MACROD2: variants seen among roughly 807,000 people sequenced by gnomAD.
The protein encoded by MACROD2 is mono-ADP ribosylhydrolase 2.
In MACROD2, 36 loss-of-function variants were observed where a neutral mutation model predicts 70.4. The observed-to-expected ratio is 0.51, with a 90% CI of 0.39 to 0.68. The LOEUF is 0.68. Ranked by LOEUF, MACROD2 falls within the 30% of genes least tolerant of loss-of-function variation. MACROD2 has a pLI of 0.00. For synonymous variants in MACROD2, 172 were observed against 178.8 expected (o/e 0.96, Z 0.30); for missense variants, 496 against 538.4 (o/e 0.92, Z 0.78).
intron 8 of MACROD2, among the ~76,000 whole-genome samples, chr20:15,707,401 C>A (rs1045291866): frequency 6.6e-6 from 1 of 152,180 alleles, no homozygotes; most frequent in Non-Finnish European, 1.5e-5. Flanking sequence ...ATACCAGGCA[C>A]TTGCTGGGCA....
chr20:15,632,516 C>A (rs200767), intron 8 of MACROD2, among the ~76,000 whole-genome samples: 65,017 of 151,992 alleles, frequency 0.43, 15,573 homozygotes, highest in African/African-American at 0.67. Flanking sequence ...CAAAGTAGTG[C>A]AAAGTACAGA....
chr20:15,434,869 A>G (rs2046408614), intron 7 of MACROD2, among the ~76,000 whole-genome samples: 1 of 152,168 alleles, frequency 6.6e-6, no homozygotes, highest in Admixed American at 6.6e-5. Flanking sequence ...TGTCTTTTGC[A>G]GCAATGTGGA....
chr20:16,004,355 G>A (rs1161672918), intron 15 of MACROD2, among the ~76,000 whole-genome samples: 1 of 152,200 alleles, frequency 6.6e-6, no homozygotes, highest in African/African-American at 2.4e-5. Flanking sequence ...CAAGGACTGT[G>A]TTTGTTTATT....
intron 6 of MACROD2, among the ~76,000 whole-genome samples, chr20:15,304,291 G>A (rs1310518165): frequency 3.9e-5 from 6 of 152,122 alleles, no homozygotes; most frequent in African/African-American, 1.4e-4. Context: ...TAGCAATGGT[G>A]GCCATGGGAC....
Position 15,043,084 on chromosome 20 carries a change from A to G in MACROD2, c.419-186856A>G, listed in dbSNP as rs144239321. Among the ~76,000 whole-genome samples the G allele has an allele frequency of 9.7e-4, 147 of 152,150 alleles. 2 individuals are homozygous for G. The East Asian group carries it at 0.025, about 26-fold the overall frequency. Reference sequence around the variant, plus strand: ...TTTGCTGTGTCCTTCATTCCTATCTATGTGGCCTCTCAGGTCTAGCAAACC... The same window carrying G: ...TTTGCTGTGTCCTTCATTCCTATCTGTGTGGCCTCTCAGGTCTAGCAAACC... On this transcript the variant is annotated intron_variant, in intron 5 of 17. Transcript: ENST00000684519.
Position 14,442,222 on chromosome 20 carries a change from A to T in MACROD2, c.272-51257A>T, listed in dbSNP as rs976178285. 1.7e-4 allele frequency among the ~76,000 whole-genome samples: 26 copies of T among 152,138 alleles called. 1 individual carries two copies. Among genetic ancestry groups the T allele is most frequent in the African/African-American group, 6.3e-4 (26 of 41,390 alleles). On this transcript the variant is annotated intron_variant, in intron 3 of 17. Coordinates refer to ENST00000684519, the MANE Select transcript of MACROD2 (RefSeq NM_001351661.2). ...GAGGTGGAGGTTGCAGTAAGCTGAG[A>T]TCCCACCACTGCACTCTAGCCTGGG...
intron 3 of MACROD2, among the ~76,000 whole-genome samples, chr20:14,131,927 C>T (rs916858152): frequency 5.9e-5 from 9 of 151,804 alleles, no homozygotes; most frequent in Non-Finnish European, 1.2e-4. Flanking sequence ...GTCAGGAGAT[C>T]GAGACCATCC....
At chr20:15,151,364 G>A (rs911742676) in intron 5 of MACROD2, among the ~76,000 whole-genome samples, 5 of 152,056 alleles carry the variant, frequency 3.3e-5, no homozygotes, top group African/African-American at 1.2e-4. Flanking sequence ...AAGTTCTTGT[G>A]TGCTGGAGAT....
intron 3 of MACROD2, among the ~76,000 whole-genome samples, chr20:14,142,304 A>T (rs2148706259): frequency 6.6e-6 from 1 of 152,226 alleles, no homozygotes; most frequent in East Asian, 1.9e-4. Flanking sequence ...CTGTGATTCC[A>T]CCAGTCTGAA....
In MACROD2 at chr20:14,328,755, A is replaced by G. The variant is rs80209771; in HGVS notation, c.272-164724A>G. 7.3e-3 allele frequency among the ~76,000 whole-genome samples: 1,117 copies of G among 152,184 alleles called. 15 individuals carry two copies. The highest frequency in any genetic ancestry group is 0.026 in the African/African-American group (1,066 of 41,542). On this transcript the variant is annotated intron_variant, in intron 3 of 17. Transcript: ENST00000684519. ...CTCCAGATCAGGCTTGCTGTTGTCAATGAACATTCCAGCTGCAGTTCAGCA... is the reference window on the plus strand; with the variant it reads ...CTCCAGATCAGGCTTGCTGTTGTCAGTGAACATTCCAGCTGCAGTTCAGCA...
chr20:15,015,742 C>A (rs1193389908), intron 5 of MACROD2, among the ~76,000 whole-genome samples: 6 of 152,220 alleles, frequency 3.9e-5, no homozygotes, highest in South Asian at 2.1e-4. Context: ...CAGCCCCTCA[C>A]TGAACCAGTT....
At chr20:14,178,411 C>G (rs1206538979) in intron 3 of MACROD2, among the ~76,000 whole-genome samples, 2 of 152,068 alleles carry the variant, frequency 1.3e-5, no homozygotes, top group African/African-American at 4.8e-5. Context: ...CTAGAATATT[C>G]TGTTATGAAA....
At chr20:15,610,516 C>A in intron 8 of MACROD2, among the ~76,000 whole-genome samples, 1 of 152,176 alleles carries the variant, frequency 6.6e-6, no homozygotes, top group East Asian at 1.9e-4. Context: ...TTTTCTTTCT[C>A]TTACAGGGGC....
chr20:15,311,832 T>C (rs2077756038), intron 6 of MACROD2, among the ~76,000 whole-genome samples: 1 of 152,182 alleles, frequency 6.6e-6, no homozygotes, highest in Admixed American at 6.5e-5. Context: ...TGTTGGGTAC[T>C]GTGCTCAGTA....
intron 6 of MACROD2, among the ~76,000 whole-genome samples, chr20:15,399,690 G>A (rs774891612): frequency 3.9e-5 from 6 of 152,212 alleles, no homozygotes; most frequent in Non-Finnish European, 8.8e-5. Context: ...AGTAGTCTGA[G>A]TGGTTGTTTT....
At chr20:14,244,630 A>G (rs1192529604) in intron 3 of MACROD2, among the ~76,000 whole-genome samples, 1 of 152,146 alleles carries the variant, frequency 6.6e-6, no homozygotes, top group Non-Finnish European at 1.5e-5. Flanking sequence ...TTTTAAAACA[A>G]CTTCTTGGTA....
chr20:14,642,927 C>T (rs1344708453), intron 4 of MACROD2, among the ~76,000 whole-genome samples: 1 of 151,700 alleles, frequency 6.6e-6, no homozygotes, highest in African/African-American at 2.4e-5. Flanking sequence ...ATGGTTGCCA[C>T]AAACCTTCAG....
At chr20:14,736,489 A>G (rs865988443) in intron 5 of MACROD2, among the ~76,000 whole-genome samples, 2 of 152,208 alleles carry the variant, frequency 1.3e-5, no homozygotes, top group Admixed American at 1.3e-4. Flanking sequence ...TAAAAAACCT[A>G]AAGTAAACAA....
intron 3 of MACROD2, chr20:14,337,534 C>T: frequency 2.5e-6 from 1 of 398,682 alleles, no homozygotes; most frequent in East Asian, 3.6e-5. Context: ...CCCACGGCAG[C>T]TGCAGGCTGA....
Sources: gnomAD v4.1 joint callset for allele counts (sites outside exome capture counted in the v4.1 genomes callset) on GRCh38, gnomAD v4.1.1 for gene constraint, MANE v1.5 for transcripts, NCBI Gene and HGNC (gene_info 2026-07-23, HGNC 2026-07-21) for gene names.